Variants in GRID2 observed in about 807,000 individuals in gnomAD.
The protein encoded by GRID2 is glutamate ionotropic receptor delta type subunit 2, also known as glutamate receptor ionotropic, delta-2.
A neutral mutation model predicts 114.8 loss-of-function variants in GRID2; 33 were observed. The observed-to-expected ratio is 0.29, with a 90% CI of 0.22 to 0.38. The LOEUF (loss-of-function observed/expected upper bound fraction) is 0.38. Among genes scored for constraint, GRID2 ranks in the 10% least tolerant of loss-of-function variants. The pLI is 1.00. For synonymous variants in GRID2, 505 were observed against 449.9 expected (o/e 1.12, Z -1.55); for missense variants, 1,184 against 1,257.7 (o/e 0.94, Z 0.89).
chr4:93,360,319 G>A (rs1022102573), intron 8 of GRID2, among the ~76,000 whole-genome samples: 4 of 151,688 alleles, frequency 2.6e-5, no homozygotes, highest in Admixed American at 6.6e-5. Flanking sequence ...GCGAAATAAT[G>A]TATTCTAACC....
intron 8 of GRID2, among the ~76,000 whole-genome samples, chr4:93,333,176 G>GTT (rs34257494): frequency 0.053 from 7,970 of 151,736 alleles, 247 homozygotes; most frequent in Middle Eastern, 0.096. Flanking sequence ...CTTCTGATAT[G>GTT]TTTTTTTAAC....
chr4:93,126,584 C>CTTTTTT lies in GRID2; in HGVS notation c.735+15657_735+15662dup, dbSNP rs60017147. 4.3e-3 allele frequency among the ~76,000 whole-genome samples: 229 copies of CTTTTTT among 52,764 alleles called. 14 individuals are homozygous for CTTTTTT. The highest frequency in any genetic ancestry group is 4.9e-3 in the Non-Finnish European group (147 of 30,152). 34.6% of individuals were successfully genotyped at this position (52,764 alleles called of 152,430 possible). A position where few individuals can be genotyped will look rare whatever the true frequency, so the allele number is the denominator to read the frequency against. ...GACAGTCATTGATAACTATTTAATTCTTTTTTTTTTTTTTTTTTTTTTTTT... is the reference window on the plus strand; with the variant it reads ...GACAGTCATTGATAACTATTTAATTCTTTTTTTTTTTTTTTTTTTTTTTTTTTTTTT... On this transcript the variant is annotated intron_variant, in intron 4 of 15. Coordinates refer to ENST00000282020, the MANE Select transcript of GRID2 (RefSeq NM_001510.4).
chr4:93,673,676 A>G (rs1284045420), intron 14 of GRID2, among the ~76,000 whole-genome samples: 1 of 152,232 alleles, frequency 6.6e-6, no homozygotes, highest in Non-Finnish European at 1.5e-5. Flanking sequence ...TTTAAACAAG[A>G]GCCAGACATA....
At chr4:92,428,631 T>C (rs1408487988) in intron 1 of GRID2, among the ~76,000 whole-genome samples, 1 of 152,182 alleles carries the variant, frequency 6.6e-6, no homozygotes, top group East Asian at 1.9e-4. Flanking sequence ...TTTTTGCTAA[T>C]AAGAACATGT....
At chr4:93,332,348 C>T (rs1758589155) in intron 8 of GRID2, among the ~76,000 whole-genome samples, 1 of 147,620 alleles carries the variant, frequency 6.8e-6, no homozygotes, top group Admixed American at 6.8e-5. Flanking sequence ...TGCATTCCTA[C>T]TTCCAGTTGG....
intron 13 of GRID2, among the ~76,000 whole-genome samples, chr4:93,618,352 A>G (rs1330595845): frequency 6.6e-6 from 1 of 152,110 alleles, no homozygotes; most frequent in Non-Finnish European, 1.5e-5. Flanking sequence ...AACTCACTAC[A>G]TGGATTATTC....
intron 2 of GRID2, among the ~76,000 whole-genome samples, chr4:92,934,283 C>G (rs1336938810): frequency 8.6e-5 from 13 of 151,694 alleles, no homozygotes; most frequent in Non-Finnish European, 1.6e-4. Flanking sequence ...GTATTTTATT[C>G]TCTTTGAAGC....
At chr4:93,154,491 C>T (rs1360033914) in intron 4 of GRID2, among the ~76,000 whole-genome samples, 2 of 151,978 alleles carry the variant, frequency 1.3e-5, no homozygotes, top group Non-Finnish European at 2.9e-5. Flanking sequence ...TTGAATACCA[C>T]TCCCGGATAG....
chr4:92,566,493 C>A (rs1006603709), intron 1 of GRID2, among the ~76,000 whole-genome samples: 1 of 151,988 alleles, frequency 6.6e-6, no homozygotes, highest in Non-Finnish European at 1.5e-5. Flanking sequence ...CTCCTGTCAA[C>A]AGCTGGCATG....
intron 14 of GRID2, among the ~76,000 whole-genome samples, chr4:93,632,045 C>T (rs983336061): frequency 1.3e-5 from 2 of 152,204 alleles, no homozygotes; most frequent in South Asian, 2.1e-4. Flanking sequence ...TATCCTTCAC[C>T]CACTTTTTGA....
At chr4:93,487,063 T>G (rs1726485438) in intron 11 of GRID2, among the ~76,000 whole-genome samples, 1 of 151,824 alleles carries the variant, frequency 6.6e-6, no homozygotes, top group African/African-American at 2.4e-5. Context: ...TTTTAGGAAC[T>G]TGTCCATATC....
chr4:93,350,614 T>C (rs879384972), intron 8 of GRID2, among the ~76,000 whole-genome samples: 1 of 151,970 alleles, frequency 6.6e-6, no homozygotes, highest in Non-Finnish European at 1.5e-5. Context: ...TGTTTGAGTA[T>C]CTTCTAGTTA....
chr4:93,076,685 T>G (rs535360268), intron 2 of GRID2, among the ~76,000 whole-genome samples: 2 of 145,090 alleles, frequency 1.4e-5, no homozygotes, highest in Non-Finnish European at 3.0e-5. Context: ...TGGCGCAATC[T>G]CGGTTCACTG....
intron 2 of GRID2, among the ~76,000 whole-genome samples, chr4:92,983,995 G>T (rs1221608602): frequency 6.6e-6 from 1 of 152,146 alleles, no homozygotes; most frequent in African/African-American, 2.4e-5. Flanking sequence ...ACTTTGGACA[G>T]GGTACATAAC....
chr4:93,581,155 C>CTCAT (rs1463275268), intron 13 of GRID2, among the ~76,000 whole-genome samples: 55 of 121,836 alleles, frequency 4.5e-4, no homozygotes, highest in African/African-American at 1.7e-3. Flanking sequence ...TCCATGTGTT[C>CTCAT]TCATTGTTCA....
chr4:92,354,940 G>A lies in GRID2; in HGVS notation c.88+50196G>A, dbSNP rs1513455. Among the ~76,000 whole-genome samples, 1,161 of 151,912 alleles carry A rather than the reference G, an allele frequency of 7.6e-3. 10 individuals carry two copies. The highest frequency in any genetic ancestry group is 0.027 in the African/African-American group (1,123 of 41,466). The stretch of plus-strand genomic sequence containing the variant: ...AAAATTGCTTATGAAGTTCTTCTGC[G>A]CAAAGTTTATTTCTGAAAATTGTGC... On this transcript the variant is annotated intron_variant, in intron 1 of 15. Coordinates refer to ENST00000282020, the MANE Select transcript of GRID2 (RefSeq NM_001510.4).
chr4:93,769,128 G>T (rs967885446), intron 14 of GRID2, 82 bp from the exon 15 acceptor site: 6 of 1,334,398 alleles, frequency 4.5e-6, no homozygotes, highest in Non-Finnish European at 6.4e-6. Flanking sequence ...ATCCTACAGA[G>T]GTGGGATTAT....
At chr4:93,417,695 A>G (rs556758318) in intron 9 of GRID2, among the ~76,000 whole-genome samples, 1 of 152,092 alleles carries the variant, frequency 6.6e-6, no homozygotes, top group African/African-American at 2.4e-5. Context: ...TGTTATGTAA[A>G]TGGAATCAAA....
chr4:92,712,894 C>A (rs1735323803), intron 2 of GRID2, among the ~76,000 whole-genome samples: 1 of 151,902 alleles, frequency 6.6e-6, no homozygotes, highest in Non-Finnish European at 1.5e-5. Context: ...CTGTATGTAA[C>A]TCAGGGGTAA....
Sources: allele counts gnomAD v4.1 joint callset (sites outside exome capture counted in the v4.1 genomes callset), GRCh38; gene constraint gnomAD v4.1.1; transcripts MANE v1.5; gene names NCBI Gene and HGNC (gene_info 2026-07-23, HGNC 2026-07-21).